The following MYO16 variants were observed in gnomAD, a reference collection of about 807,000 sequenced individuals.
MYO16 encodes the protein myosin XVI.
MYO16 carries 94 observed loss-of-function variants against 205.3 expected under a neutral mutation model. The ratio of observed to expected loss-of-function variants is 0.46; its 90% CI spans 0.39 to 0.54. MYO16 has a LOEUF of 0.54. Ranked by LOEUF, MYO16 falls within the 20% of genes least tolerant of loss-of-function variation. The probability of loss-of-function intolerance (pLI) is 0.00; values close to 1 mark genes in which losing one functional copy is unlikely to be tolerated. For synonymous variants in MYO16, 988 were observed against 954.0 expected (o/e 1.04, Z -0.66); for missense variants, 2,315 against 2,387.5 (o/e 0.97, Z 0.63).
At chr13:109,010,232 AC>A (rs1885547154) in intron 22 of MYO16, among the ~76,000 whole-genome samples, 1 of 152,170 alleles carries the variant, frequency 6.6e-6, no homozygotes, top group South Asian at 2.1e-4. Context: ...AGCCGTTACT[AC>A]TAAAGGAATT....
chr13:108,900,734 T>C (rs1880667544), intron 15 of MYO16, among the ~76,000 whole-genome samples: 2 of 152,176 alleles, frequency 1.3e-5, no homozygotes, highest in South Asian at 4.1e-4. Context: ...TTGTAGAGCA[T>C]GTGTGTTTGA....
chr13:108,499,149 G>C, the MYO16 span, among the ~76,000 whole-genome samples: 9 of 152,218 alleles, frequency 5.9e-5, no homozygotes, highest in Non-Finnish European at 8.8e-5. Context: ...TACTCAACTT[G>C]CCTGTTTTAA....
Position 109,207,079 on chromosome 13 carries a change from CG to C in MYO16, c.*245del. On this transcript the variant is annotated 3_prime_UTR_variant, in exon 35 of 35. Transcript: ENST00000457511. ...CTCTGATTTTCAAGCTCCTCATTTA[CG>C]GCTCTGTGCTACCCCTAGGTAGCAA... The C allele has an allele frequency of 2.1e-6, 1 of 483,772 alleles. No individual in the cohort carries two copies. Among genetic ancestry groups the C allele is most frequent in the Non-Finnish European group, 3.7e-6 (1 of 267,180 alleles). The allele number at this position is 483,772 out of a possible 1,614,324, so 30.0% of individuals were successfully genotyped here.
chr13:109,115,364 A>G (rs987005317), intron 28 of MYO16, among the ~76,000 whole-genome samples: 1 of 152,092 alleles, frequency 6.6e-6, no homozygotes, highest in Admixed American at 6.6e-5. Flanking sequence ...AAGAAAAAAA[A>G]CCTAATGGTT....
the MYO16 span, among the ~76,000 whole-genome samples, chr13:108,524,372 CCT>C: frequency 3.3e-5 from 5 of 151,610 alleles, no homozygotes; most frequent in African/African-American, 1.2e-4. Context: ...TGACTCTCTC[CCT>C]CTCTCTTCTG....
chr13:108,951,387 G>T (rs1883144433), intron 16 of MYO16, among the ~76,000 whole-genome samples: 1 of 152,174 alleles, frequency 6.6e-6, no homozygotes, highest in African/African-American at 2.4e-5. Flanking sequence ...AGAGGCCGTG[G>T]AGAGCTGGGA....
At chr13:108,517,064 G>A in the MYO16 span, among the ~76,000 whole-genome samples, 1 of 152,004 alleles carries the variant, frequency 6.6e-6, no homozygotes, top group Non-Finnish European at 1.5e-5. Flanking sequence ...TGAGCAGCTG[G>A]GACTGTAGGC....
chr13:108,663,803 C>G lies in MYO16; in HGVS notation c.29-2083C>G, dbSNP rs1881607193. Among the ~76,000 whole-genome samples the G allele has an allele frequency of 2.0e-5, 3 of 152,206 alleles. No individual in the cohort carries two copies. The South Asian group carries it at 6.2e-4, about 32-fold the overall frequency. ...TGCTGGCTAATCAACACATGGCACT[C>G]TGTGATGTTATTTGTTTTAATTCTT... On this transcript the variant is annotated intron_variant, in intron 1 of 34. Coordinates refer to ENST00000457511, the MANE Select transcript of MYO16 (RefSeq NM_001198950.3).
chr13:108,714,601 T>C (rs1883863751), intron 3 of MYO16, among the ~76,000 whole-genome samples: 1 of 144,216 alleles, frequency 6.9e-6, no homozygotes, highest in Admixed American at 7.3e-5. Flanking sequence ...TCTGTGTGTG[T>C]GTGTGTGTGT....
At chr13:108,818,776 C>T (rs1194212544) in intron 7 of MYO16, among the ~76,000 whole-genome samples, 1 of 152,152 alleles carries the variant, frequency 6.6e-6, no homozygotes, top group Non-Finnish European at 1.5e-5. Context: ...CATGCCAGCA[C>T]ATTTGGAAAC....
intron 4 of MYO16, among the ~76,000 whole-genome samples, chr13:108,771,001 C>T (rs1227135656): frequency 6.6e-6 from 1 of 152,156 alleles, no homozygotes; most frequent in Non-Finnish European, 1.5e-5. Flanking sequence ...TCTAGTATCA[C>T]AATGCAATTC....
the MYO16 span, among the ~76,000 whole-genome samples, chr13:108,519,560 T>C: frequency 6.6e-6 from 1 of 151,690 alleles, no homozygotes. Flanking sequence ...CATACATAAA[T>C]TTGAACACTG....
chr13:108,861,521 G>C (rs1324313013), intron 11 of MYO16, among the ~76,000 whole-genome samples: 1 of 151,908 alleles, frequency 6.6e-6, no homozygotes. Context: ...TACTTCTATG[G>C]GGTCTTTACC....
At chr13:109,010,836 A>T (rs1885566160) in intron 22 of MYO16, among the ~76,000 whole-genome samples, 2 of 151,856 alleles carry the variant, frequency 1.3e-5, no homozygotes, top group African/African-American at 4.8e-5. Context: ...GCTTGCTATT[A>T]GTTGAAATAA....
Position 109,141,145 on chromosome 13 carries a change from G to A in MYO16, c.4933G>A (p.Ala1645Thr). ...APKVHPKPNS[A>T]PVAGPCSSFP... Reference sequence around the variant, plus strand: ...CAAGGTTCACCCAAAGCCAAACTCTGCCCCCGTGGCCGGGCCCTGCAGCTC... The same window carrying A: ...CAAGGTTCACCCAAAGCCAAACTCTACCCCCGTGGCCGGGCCCTGCAGCTC... Residue 1645 changes from alanine to threonine, a missense_variant, in exon 32 of 35, where the codon GCC becomes ACC. Around this residue, in one of 3 missense-constraint regions of MYO16, gnomAD observed 1,097 missense variants for 1,092.0 expected, o/e 1.00. Transcript: ENST00000457511. The surrounding 1 kb of genome is among the most constrained non-coding windows in gnomAD (Gnocchi z 4.1). 6.2e-7 allele frequency: 1 copy of A among 1,600,132 alleles called. No individual in the cohort carries two copies.
rs769701010 is a variant in MYO16 at position 109,140,347 on chromosome 13, A to T, written c.4135A>T (p.Thr1379Ser). 6.2e-7 allele frequency: 1 copy of T among 1,602,404 alleles called. No individual in the cohort carries two copies. The highest frequency in any genetic ancestry group is 8.5e-7 in the Non-Finnish European group (1 of 1,178,790). ...TCGAAAGCCCAAGCGCAGCCCCAAC[A>T]CCAAGCTCAGCGGCTCCTACGAGGA... ...PPRKPKRSPN[T>S]KLSGSYEEIS... Residue 1379 changes from threonine to serine, a missense_variant, in exon 32 of 35, where the codon ACC (threonine) becomes TCC (serine). Around this residue, in one of 3 missense-constraint regions of MYO16, gnomAD observed 1,097 missense variants for 1,092.0 expected, o/e 1.00. Coordinates refer to ENST00000457511, the MANE Select transcript of MYO16 (RefSeq NM_001198950.3). This position sits in a 1 kb window ranked among gnomAD's most constrained non-coding sequence, Gnocchi z 8.0.
At position 108,683,221 on chromosome 13, in the gene MYO16, A is replaced by G. The variant is rs1882536281; in HGVS notation, c.292+17072A>G. On this transcript the variant is annotated intron_variant, in intron 2 of 34. Coordinates refer to ENST00000457511, the MANE Select transcript of MYO16 (RefSeq NM_001198950.3). ...TTATACAATTATGATTCAATTCTCG[A>G]TATAAGTGCCTTATCCTTCCCACTT... 2.0e-5 allele frequency among the ~76,000 whole-genome samples: 3 copies of G among 152,250 alleles called. No individual in the cohort carries two copies. In the South Asian group the frequency reaches 6.2e-4, roughly 32 times the overall value.
the MYO16 span, among the ~76,000 whole-genome samples, chr13:108,540,320 A>G: frequency 6.6e-6 from 1 of 152,180 alleles, no homozygotes; most frequent in African/African-American, 2.4e-5. Flanking sequence ...ACTTTGTCAC[A>G]AAGGTTGTAT....
At position 108,827,246 on chromosome 13, in the gene MYO16, GT is replaced by G. The variant is rs573599321; in HGVS notation, c.1097+3977del. Among the ~76,000 whole-genome samples, 47 of 151,412 alleles carry G rather than the reference GT, an allele frequency of 3.1e-4. No homozygotes were observed. The South Asian group carries it at 6.3e-3, about 20-fold the overall frequency. On this transcript the variant is annotated intron_variant, in intron 9 of 34. Coordinates refer to ENST00000457511, the MANE Select transcript of MYO16 (RefSeq NM_001198950.3). ...TTCCTTTGCATTCTAAAGGTGATTT[GT>G]TTTTTTTTCCCCCAGAATATATTTT...
Sources: gnomAD v4.1 joint callset for allele counts (sites outside exome capture counted in the v4.1 genomes callset) on GRCh38, gnomAD v4.1.1 for gene constraint, gnomAD v4.1.1 regional missense constraint, Gnocchi (gnomAD v3.1) non-coding constraint, MANE v1.5 for transcripts, NCBI Gene and HGNC (gene_info 2026-07-23, HGNC 2026-07-21) for gene names.